Variants in SHANK2 observed in about 807,000 individuals in gnomAD.
SHANK2 encodes the protein SH3 and multiple ankyrin repeat domains 2.
In SHANK2, 43 loss-of-function variants were observed where a neutral mutation model predicts 133.7. That is an observed-to-expected ratio of 0.32 (90% confidence interval 0.25 to 0.41). The LOEUF (loss-of-function observed/expected upper bound fraction) is 0.41. Ranked by LOEUF, SHANK2 falls within the 10% of genes least tolerant of loss-of-function variation. The probability of loss-of-function intolerance (pLI) is 1.00; values close to 1 mark genes in which losing one functional copy is unlikely to be tolerated. For missense variants in SHANK2, 1,994 were observed against 2,235.8 expected (o/e 0.89, Z 2.18); for synonymous variants, 1,017 against 952.8 (o/e 1.07, Z -1.24).
rs544507602 is a variant in SHANK2 at position 71,181,827 on chromosome 11, C to A, written c.-12-34489G>T. ...TAAGATGTTCAGGTTCCCAGCCCCC[C>A]CTCCCCCGCCAACCCAGATCTACTG... On this transcript the variant is annotated intron_variant, in intron 2 of 25. Transcript: ENST00000601538. Among the ~76,000 whole-genome samples, 18 of 152,176 alleles carry A rather than the reference C, an allele frequency of 1.2e-4. No individual in the cohort carries two copies. In the Middle Eastern group the frequency reaches 0.01, roughly 86 times the overall value.
At chr11:70,938,418 G>C (rs567634931) in intron 10 of SHANK2, among the ~76,000 whole-genome samples, 1 of 152,288 alleles carries the variant, frequency 6.6e-6, no homozygotes, top group African/African-American at 2.4e-5. Flanking sequence ...AACAAGGAAA[G>C]GCATGTTCCT....
chr11:70,736,900 C>T (rs1251641616), intron 14 of SHANK2, among the ~76,000 whole-genome samples: 5 of 152,142 alleles, frequency 3.3e-5, no homozygotes, highest in African/African-American at 1.2e-4. Flanking sequence ...AGGGACTGAA[C>T]GTGAAATGGG....
chr11:70,536,551 C>T (rs782084697), intron 17 of SHANK2, among the ~76,000 whole-genome samples: 7 of 152,102 alleles, frequency 4.6e-5, no homozygotes, highest in Admixed American at 1.3e-4. Flanking sequence ...CACATGGCTG[C>T]GGTGGGCACA....
At chr11:70,619,279 G>A (rs1457953963) in intron 17 of SHANK2, among the ~76,000 whole-genome samples, 33 of 152,368 alleles carry the variant, frequency 2.2e-4, no homozygotes, top group Admixed American at 2.0e-3. Flanking sequence ...GGCTCAGGAG[G>A]CTGAGAGAGC....
At chr11:70,541,763 G>A (rs188524011) in intron 17 of SHANK2, among the ~76,000 whole-genome samples, 151 of 152,370 alleles carry the variant, frequency 9.9e-4, no homozygotes, top group Non-Finnish European at 8.2e-4. Context: ...TGGAGACCAA[G>A]GAAGCTGCTA....
intron 14 of SHANK2, among the ~76,000 whole-genome samples, chr11:70,728,378 A>G (rs1458446008): frequency 6.6e-6 from 1 of 152,166 alleles, no homozygotes; most frequent in Non-Finnish European, 1.5e-5. Flanking sequence ...GAGTGGTCAC[A>G]CTCGGTTTAC....
chr11:71,168,574 GC>G, intron 2 of SHANK2, among the ~76,000 whole-genome samples: 1 of 152,138 alleles, frequency 6.6e-6, no homozygotes, highest in Non-Finnish European at 1.5e-5. Flanking sequence ...TGCAATCCCG[GC>G]ACTTCAGGAT....
At chr11:70,891,269 C>T (rs1243608557) in intron 11 of SHANK2, among the ~76,000 whole-genome samples, 2 of 152,194 alleles carry the variant, frequency 1.3e-5, no homozygotes, top group Non-Finnish European at 2.9e-5. Flanking sequence ...AATCCCAGCA[C>T]TTTGGGAGGC....
intron 17 of SHANK2, among the ~76,000 whole-genome samples, chr11:70,505,863 T>C (rs946591932): frequency 6.6e-6 from 1 of 151,970 alleles, no homozygotes; most frequent in Non-Finnish European, 1.5e-5. Context: ...CATCACGGCC[T>C]TGGGCTCACT....
chr11:71,212,300 A>G (rs115469207), intron 2 of SHANK2, among the ~76,000 whole-genome samples: 1 of 152,332 alleles, frequency 6.6e-6, no homozygotes, highest in Non-Finnish European at 1.5e-5. Context: ...ATTTGGGAAA[A>G]CAGCTAAAAA....
chr11:70,608,671 C>G (rs781932567), intron 17 of SHANK2, among the ~76,000 whole-genome samples: 1 of 152,236 alleles, frequency 6.6e-6, no homozygotes, highest in African/African-American at 2.4e-5. Flanking sequence ...CTCAGGGCCT[C>G]TCTCCCTGCT....
intron 14 of SHANK2, among the ~76,000 whole-genome samples, chr11:70,780,058 G>A (rs1489577559): frequency 1.3e-5 from 2 of 152,200 alleles, no homozygotes; most frequent in African/African-American, 4.8e-5. Context: ...AGAGGGAGCT[G>A]CTCAAAGAAT....
intron 17 of SHANK2, among the ~76,000 whole-genome samples, chr11:70,548,774 CAAGTT>C (rs1310160622): frequency 6.6e-6 from 1 of 152,174 alleles, no homozygotes; most frequent in African/African-American, 2.4e-5. Flanking sequence ...TAGATGTAAT[CAAGTT>C]AAGATGAGGT....
intron 3 of SHANK2, among the ~76,000 whole-genome samples, chr11:71,125,106 C>A: frequency 6.6e-6 from 1 of 152,242 alleles, no homozygotes; most frequent in African/African-American, 2.4e-5. Flanking sequence ...ATTCTCCCAC[C>A]TCTCTCCCTC....
At chr11:70,799,154 T>C (rs1357640983) in intron 13 of SHANK2, among the ~76,000 whole-genome samples, 6 of 151,304 alleles carry the variant, frequency 4.0e-5, no homozygotes, top group African/African-American at 1.5e-4. Flanking sequence ...TCCCAGCACT[T>C]TGGGGGGCCG....
At chr11:70,673,074 C>T (rs1288565048) in intron 15 of SHANK2, among the ~76,000 whole-genome samples, 1 of 152,150 alleles carries the variant, frequency 6.6e-6, no homozygotes, top group African/African-American at 2.4e-5. Flanking sequence ...GCTGGGTGTC[C>T]CCCTGTCCTG....
chr11:71,166,766 A>G (rs1283503018), intron 2 of SHANK2, among the ~76,000 whole-genome samples: 3 of 149,652 alleles, frequency 2.0e-5, no homozygotes, highest in African/African-American at 7.4e-5. Flanking sequence ...TACAGGCGTG[A>G]GCCACCACAC....
intron 14 of SHANK2, among the ~76,000 whole-genome samples, chr11:70,740,664 A>G (rs929372912): frequency 1.6e-4 from 24 of 152,180 alleles, no homozygotes; most frequent in Middle Eastern, 3.4e-3. Flanking sequence ...TAATCACATG[A>G]TTACCCGGGG....
At chr11:71,213,366 C>T (rs1449641270) in intron 2 of SHANK2, among the ~76,000 whole-genome samples, 1 of 152,184 alleles carries the variant, frequency 6.6e-6, no homozygotes, top group African/African-American at 2.4e-5. Flanking sequence ...ACACAGTTTG[C>T]TCCAACCTTT....
Sources: gnomAD v4.1 joint callset for allele counts (sites outside exome capture counted in the v4.1 genomes callset) on GRCh38, gnomAD v4.1.1 for gene constraint, MANE v1.5 for transcripts, NCBI Gene and HGNC (gene_info 2026-07-23, HGNC 2026-07-21) for gene names.